COBL: variants seen among roughly 807,000 people sequenced by gnomAD.
COBL encodes cordon-bleu WH2 repeat protein, also known as protein cordon-bleu.
In COBL, 51 loss-of-function variants were observed where a neutral mutation model predicts 98.8. The ratio of observed to expected loss-of-function variants is 0.52; its 90% CI spans 0.41 to 0.65. COBL has a LOEUF of 0.65. COBL is among the 30% of genes least tolerant of loss of function. COBL has a pLI of 0.00. For synonymous variants in COBL, 634 were observed against 651.7 expected, an observed-to-expected ratio of 0.97 and a Z score of 0.41; for missense variants, 1,617 against 1,617.5, an observed-to-expected ratio of 1.00 and a Z score of 0.01.
chr7:51,089,855 C>T (rs1345204288), intron 6 of COBL, among the ~76,000 whole-genome samples: 2 of 151,434 alleles, frequency 1.3e-5, no homozygotes, highest in Non-Finnish European at 2.9e-5. Flanking sequence ...GTGGTAAAAA[C>T]ACTTAAAATC....
intron 5 of COBL, among the ~76,000 whole-genome samples, chr7:51,176,021 G>C (rs1354232473): frequency 6.6e-6 from 1 of 152,126 alleles, no homozygotes; most frequent in Non-Finnish European, 1.5e-5. Flanking sequence ...GTATACAGAC[G>C]GTCAGCTGAG....
chr7:51,304,619 G>A (rs1280865683), intron 1 of COBL, among the ~76,000 whole-genome samples: 1 of 152,140 alleles, frequency 6.6e-6, no homozygotes, highest in African/African-American at 2.4e-5. Context: ...GCAAGTCTTT[G>A]TAAAAACAGG....
At chr7:51,027,278 T>TA (rs1356966354) in intron 10 of COBL, among the ~76,000 whole-genome samples, 1 of 152,242 alleles carries the variant, frequency 6.6e-6, no homozygotes, top group Non-Finnish European at 1.5e-5. Flanking sequence ...GTCCTACAAT[T>TA]ACTCCTGTGT....
At chr7:51,283,140 C>A (rs2129178404) in intron 1 of COBL, among the ~76,000 whole-genome samples, 1 of 152,002 alleles carries the variant, frequency 6.6e-6, no homozygotes, top group Non-Finnish European at 1.5e-5. Context: ...GCAAAACAAA[C>A]CCAAATCATA....
chr7:51,300,659 C>A (rs116731676), intron 1 of COBL, among the ~76,000 whole-genome samples: 12 of 152,260 alleles, frequency 7.9e-5, no homozygotes, highest in African/African-American at 2.9e-4. Flanking sequence ...TCATTGTACT[C>A]GTGGGTAAAA....
At chr7:51,067,084 G>A (rs578019504) in intron 7 of COBL, among the ~76,000 whole-genome samples, 4 of 152,308 alleles carry the variant, frequency 2.6e-5, no homozygotes, top group East Asian at 3.9e-4. Flanking sequence ...GCCAGTGACC[G>A]AAGCACCAGG....
At chr7:51,195,176 T>C (rs944238197) in intron 2 of COBL, among the ~76,000 whole-genome samples, 1 of 152,230 alleles carries the variant, frequency 6.6e-6, no homozygotes, top group Non-Finnish European at 1.5e-5. Flanking sequence ...TTAATCCATC[T>C]TGAGTTATCT....
chr7:51,042,191 T>A (rs1417303800), intron 8 of COBL, among the ~76,000 whole-genome samples: 2 of 151,984 alleles, frequency 1.3e-5, no homozygotes, highest in Non-Finnish European at 2.9e-5. Context: ...ATTATATACA[T>A]CTGAGAGAAA....
At chr7:51,259,739 T>C in intron 1 of COBL, 1 of 744,198 alleles carries the variant, frequency 1.3e-6, no homozygotes, top group Admixed American at 1.7e-5. Flanking sequence ...AGACTTCAGA[T>C]GTGGAAATAC....
intron 12 of COBL, among the ~76,000 whole-genome samples, chr7:51,019,915 GA>G (rs746571871): frequency 4.6e-5 from 7 of 152,226 alleles, no homozygotes; most frequent in Non-Finnish European, 8.8e-5. Flanking sequence ...TAGATGAAAA[GA>G]GAGTTGGTGT....
rs115844913 is a variant in COBL at position 51,073,497 on chromosome 7, G to A, written c.1096+11669C>T. On this transcript the variant is annotated intron_variant, in intron 7 of 12. Transcript: ENST00000265136. ...GGAGATTTAACACTGCATAGCAAGCGTTCTATCAGCCAAAGCATATTGTTA... is the reference window on the plus strand; with the variant it reads ...GGAGATTTAACACTGCATAGCAAGCATTCTATCAGCCAAAGCATATTGTTA... 3.2e-3 allele frequency: 1,617 copies of A among 499,550 alleles called. 27 individuals carry two copies. Among genetic ancestry groups the A allele is most frequent in the African/African-American group, 0.026 (1,352 of 51,888 alleles). The allele number at this position is 499,550 out of a possible 1,614,324, so 30.9% of individuals were successfully genotyped here. A position where few individuals can be genotyped will look rare whatever the true frequency, so the allele number is the denominator to read the frequency against.
At chr7:51,057,304 G>GTATA (rs756894341) in intron 7 of COBL, among the ~76,000 whole-genome samples, 2 of 149,396 alleles carry the variant, frequency 1.3e-5, no homozygotes, top group Non-Finnish European at 3.0e-5. Flanking sequence ...GAAAAAAACA[G>GTATA]TATATATATA....
At chr7:51,096,572 T>C (rs535856005) in intron 6 of COBL, among the ~76,000 whole-genome samples, 10 of 152,122 alleles carry the variant, frequency 6.6e-5, no homozygotes, top group African/African-American at 2.4e-4. Context: ...AGAATTTCAG[T>C]TTTTTTAAAA....
intron 6 of COBL, among the ~76,000 whole-genome samples, chr7:51,088,462 T>C (rs934267061): frequency 2.0e-5 from 3 of 152,080 alleles, no homozygotes; most frequent in Admixed American, 6.5e-5. Flanking sequence ...ATTTTAAAAA[T>C]AGCATCATGG....
intron 2 of COBL, among the ~76,000 whole-genome samples, chr7:51,198,189 A>G (rs1416626384): frequency 6.6e-6 from 1 of 152,156 alleles, no homozygotes. Context: ...GAGCTCCTGT[A>G]AGGCAGGTTT....
At chr7:51,149,378 T>C (rs1184542513) in intron 5 of COBL, among the ~76,000 whole-genome samples, 2 of 152,292 alleles carry the variant, frequency 1.3e-5, no homozygotes, top group African/African-American at 4.8e-5. Context: ...TCAAGGGCCA[T>C]GTGTTCCTGA....
At chr7:51,157,117 T>C (rs1193345235) in intron 5 of COBL, among the ~76,000 whole-genome samples, 1 of 152,182 alleles carries the variant, frequency 6.6e-6, no homozygotes, top group Non-Finnish European at 1.5e-5. Flanking sequence ...ACGCCTGTAA[T>C]CCTAGCGCTT....
At chr7:51,105,464 G>A (rs889855390) in intron 6 of COBL, among the ~76,000 whole-genome samples, 6 of 152,144 alleles carry the variant, frequency 3.9e-5, no homozygotes, top group Admixed American at 6.5e-5. Flanking sequence ...AATTAAATGA[G>A]TTGGCTGGGT....
rs1477803662 is a variant in COBL, at chr7:51,190,736, T to C, written c.685+114A>G. 4 of 789,950 alleles carry C rather than the reference T, an allele frequency of 5.1e-6. No homozygotes were observed. In the East Asian group the frequency reaches 1.1e-4, roughly 21 times the overall value. 48.9% of individuals were successfully genotyped at this position (789,950 alleles called of 1,614,324 possible). A position where few individuals can be genotyped will look rare whatever the true frequency, so the allele number is the denominator to read the frequency against. ...AACTTGACTTGCCTGGAACTTCATG[T>C]ACCCATCTCTCCCTGGCGCTACTGA... On this transcript the variant is annotated intron_variant, in intron 4 of 12. Coordinates refer to ENST00000265136, the MANE Select transcript of COBL (RefSeq NM_015198.5).
Sources: allele counts gnomAD v4.1 joint callset (sites outside exome capture counted in the v4.1 genomes callset), GRCh38; gene constraint gnomAD v4.1.1; transcripts MANE v1.5; gene names NCBI Gene and HGNC (gene_info 2026-07-23, HGNC 2026-07-21).